PLOD1: variants seen among roughly 807,000 people sequenced by gnomAD.
The protein encoded by PLOD1 is lysine hydroxylase.
PLOD1 carries 70 observed loss-of-function variants against 94.7 expected under a neutral mutation model. The observed-to-expected ratio is 0.74, with a 90% CI of 0.61 to 0.90. The LOEUF (loss-of-function observed/expected upper bound fraction) is 0.90, where lower values mean the gene tolerates loss of function less well. PLOD1 is among the 40% of genes least tolerant of loss of function. The pLI is 0.00. For missense variants in PLOD1, 905 were observed against 972.7 expected (o/e 0.93, Z 0.93); for synonymous variants, 417 against 400.2 (o/e 1.04, Z -0.50).
intron 1 of PLOD1, among the ~76,000 whole-genome samples, chr1:11,944,977 T>G (rs1645640561): frequency 6.6e-6 from 1 of 152,190 alleles, no homozygotes; most frequent in South Asian, 2.1e-4. Context: ...GAGCTAAGAC[T>G]CACCCAGGGA....
In PLOD1 at chr1:11,972,968, G is replaced by A. The variant is rs199730384; in HGVS notation, c.1999G>A (p.Ala667Thr). The A allele has an allele frequency of 1.8e-5, 29 of 1,614,062 alleles. No homozygotes were observed. Among genetic ancestry groups the A allele is most frequent in the East Asian group, 2.2e-5 (1 of 44,890 alleles). Residue 667 changes from alanine (A) to threonine (T), a missense_variant, in exon 18 of 19, where the codon GCC (alanine) becomes ACC (threonine). Physicochemically the swap from Ala to Thr is moderately conservative, Grantham distance 58 (BLOSUM62 0). Coordinates refer to ENST00000196061, the MANE Select transcript of PLOD1 (RefSeq NM_000302.4). The surrounding 1 kb of genome is among the most constrained non-coding windows in gnomAD (Gnocchi z 4.6). ...HDASTFTINI[A>T]LNRVGVDYEG... ...TGCCTCCACCTTCACCATCAACATCGCCCTGAACCGAGTCGGGGTGGATTA... is the reference window on the plus strand; with the variant it reads ...TGCCTCCACCTTCACCATCAACATCACCCTGAACCGAGTCGGGGTGGATTA...
intron 14 of PLOD1, among the ~76,000 whole-genome samples, chr1:11,965,809 C>T (rs1031339715): frequency 1.1e-4 from 16 of 152,158 alleles, no homozygotes; most frequent in Non-Finnish European, 1.5e-5. Context: ...GACCAGGACT[C>T]AAGAGGCCTG....
In PLOD1 at chr1:11,950,480, T is replaced by A. The variant is rs1346043246; in HGVS notation, c.426T>A (p.Tyr142Ter). 2 of 1,614,116 alleles carry A rather than the reference T, an allele frequency of 1.2e-6. No individual in the cohort carries two copies. Among genetic ancestry groups the A allele is most frequent in the South Asian group, 1.1e-5 (1 of 91,084 alleles). ...CAGACCGCAGGCTGGAGACCAAGTA[T>A]CCGGTGGTGTCCGATGGCAAGAGGT... ...IYPDRRLETK[Y>*]PVVSDGKRFL... The change falls in exon 4 of 19, where the codon TAT (tyrosine) becomes TAA (stop). Residue 142 changes from tyrosine (Y) to a stop codon, truncating the protein, a stop_gained. Transcript: ENST00000196061. LOFTEE classifies it high-confidence loss of function.
At chr1:11,966,451 C>T (rs1375469949) in intron 15 of PLOD1, 135 bp downstream of exon 15, 26 of 258,530 alleles carry the variant, frequency 1.0e-4, no homozygotes, top group African/African-American at 1.8e-4. Context: ...AGTTGGGGGG[C>T]GGCAGGATGG....
intron 18 of PLOD1, among the ~76,000 whole-genome samples, chr1:11,973,704 C>G (rs186420975): frequency 4.1e-4 from 62 of 152,110 alleles, no homozygotes; most frequent in Middle Eastern, 3.4e-3. Flanking sequence ...CTCAGCCCCC[C>G]CAAGTAGTTG....
intron 6 of PLOD1, among the ~76,000 whole-genome samples, chr1:11,956,546 C>T (rs1645739018): frequency 6.6e-6 from 1 of 152,122 alleles, no homozygotes; most frequent in African/African-American, 2.4e-5. Flanking sequence ...AGAGAAGGCG[C>T]GTCCCAGACC....
chr1:11,957,655 C>G lies in PLOD1; in HGVS notation c.742-187C>G, dbSNP rs189452696. On this transcript the variant is annotated intron_variant, in intron 7 of 18. Coordinates refer to ENST00000196061, the MANE Select transcript of PLOD1 (RefSeq NM_000302.4). This position sits in a 1 kb window ranked among gnomAD's most constrained non-coding sequence, Gnocchi z 4.1. ...TCGGGAGAAGCACTAGAGTGCCAAGCCCTCCCCTGCCCTCTCTCAGAGCGG... is the reference window on the plus strand; with the variant it reads ...TCGGGAGAAGCACTAGAGTGCCAAGGCCTCCCCTGCCCTCTCTCAGAGCGG... Among the ~76,000 whole-genome samples, 19 of 152,304 alleles carry G rather than the reference C, an allele frequency of 1.2e-4. No homozygotes were observed. The East Asian group carries it at 3.7e-3, about 29-fold the overall frequency.
chr1:11,970,038 C>T (rs987166506), intron 16 of PLOD1, among the ~76,000 whole-genome samples: 3 of 149,738 alleles, frequency 2.0e-5, no homozygotes, highest in African/African-American at 5.0e-5. Flanking sequence ...GTCAGGAGTT[C>T]GAGACCAGCC....
intron 5 of PLOD1, 33 bp downstream of exon 5, chr1:11,952,768 G>A (rs751584108): frequency 1.3e-6 from 2 of 1,481,524 alleles, no homozygotes; most frequent in Non-Finnish European, 1.9e-6. Context: ...AGGAGAGGGG[G>A]CTGGGGATCC....
rs60651659 is a variant in PLOD1, at chr1:11,972,338, G to A, written c.1903-534G>A. The A allele has an allele frequency of 0.051, 7,979 of 156,584 alleles. 277 individuals are homozygous for A. Among genetic ancestry groups the A allele is most frequent in the East Asian group, 0.12 (664 of 5,386 alleles). The allele number at this position is 156,584 out of a possible 1,614,324, so 9.7% of individuals were successfully genotyped here. On this transcript the variant is annotated intron_variant, in intron 17 of 18. Transcript: ENST00000196061. This position sits in a 1 kb window ranked among gnomAD's most constrained non-coding sequence, Gnocchi z 4.6. ...GCAATCTTGGCTCACTACAATCTCC[G>A]CCTCCCAGATTCAAGCGATTCTCCG...
In PLOD1 at chr1:11,962,777, G is replaced by A. The variant is rs574807428; in HGVS notation, c.1098-755G>A. Among the ~76,000 whole-genome samples, 5 of 151,818 alleles carry A rather than the reference G, an allele frequency of 3.3e-5. No individual in the cohort carries two copies. In the East Asian group the frequency reaches 9.7e-4, roughly 29 times the overall value. On this transcript the variant is annotated intron_variant, in intron 10 of 18. Transcript: ENST00000196061. ...GAAAAAAGGCCGGGTGCAGTGGCTC[G>A]CATCTGTAATCCCAGCACTTTGGGA...
intron 4 of PLOD1, among the ~76,000 whole-genome samples, chr1:11,951,265 T>C (rs1645698780): frequency 6.6e-6 from 1 of 152,078 alleles, no homozygotes; most frequent in African/African-American, 2.4e-5. Context: ...AGAGGTGTCT[T>C]TAAACGATGC....
intron 1 of PLOD1, among the ~76,000 whole-genome samples, chr1:11,935,255 T>G (rs1645570099): frequency 6.6e-6 from 1 of 152,182 alleles, no homozygotes; most frequent in African/African-American, 2.4e-5. Flanking sequence ...TTCATTCACT[T>G]GCCCAAGATC....
chr1:11,958,725 T>G lies in PLOD1; in HGVS notation c.975+78T>G. The G allele has an allele frequency of 1.3e-6, 2 of 1,542,602 alleles. No individual in the cohort carries two copies. Among genetic ancestry groups the G allele is most frequent in the South Asian group, 1.1e-5 (1 of 89,048 alleles). Reference sequence around the variant, plus strand: ...GCTTCACAAGGTAGCCCGAGACCTCTGAGGGTCTCACCGAATCTAGCTTAT... The same window carrying G: ...GCTTCACAAGGTAGCCCGAGACCTCGGAGGGTCTCACCGAATCTAGCTTAT... On this transcript the variant is annotated intron_variant, in intron 9 of 18. Coordinates refer to ENST00000196061, the MANE Select transcript of PLOD1 (RefSeq NM_000302.4). This position sits in a 1 kb window ranked among gnomAD's most constrained non-coding sequence, Gnocchi z 4.3.
intron 1 of PLOD1, among the ~76,000 whole-genome samples, chr1:11,938,596 G>A (rs1557480576): frequency 6.6e-6 from 1 of 152,122 alleles, no homozygotes; most frequent in Non-Finnish European, 1.5e-5. Context: ...TACCCCAGCA[G>A]CCCCCAAAGA....
At chr1:11,939,214 T>C (rs1304498348) in intron 1 of PLOD1, among the ~76,000 whole-genome samples, 1 of 151,484 alleles carries the variant, frequency 6.6e-6, no homozygotes, top group Non-Finnish European at 1.5e-5. Context: ...CACTGGATGG[T>C]GTGGGGGTGG....
rs373261129 is a variant in PLOD1 at position 11,953,275 on chromosome 1, C to T, written c.579+540C>T. On this transcript the variant is annotated intron_variant, in intron 5 of 18. Transcript: ENST00000196061. Reference sequence around the variant, plus strand: ...TTCACTACGTTCGCCAGGCTGGTCTCGAACTCCTGTCCTCAGGTGATTTAC... The same window carrying T: ...TTCACTACGTTCGCCAGGCTGGTCTTGAACTCCTGTCCTCAGGTGATTTAC... Among the ~76,000 whole-genome samples, 9 of 151,696 alleles carry T rather than the reference C, an allele frequency of 5.9e-5. No homozygotes were observed. In the East Asian group the frequency reaches 6.0e-4, roughly 10 times the overall value.
intron 1 of PLOD1, among the ~76,000 whole-genome samples, chr1:11,942,612 T>A (rs1645622424): frequency 6.6e-6 from 1 of 152,120 alleles, no homozygotes; most frequent in Non-Finnish European, 1.5e-5. Context: ...TCCTTGGGGA[T>A]GTTAGGAGGT....
At position 11,963,672 on chromosome 1, in the gene PLOD1, G is replaced by A. The variant is rs745889627; in HGVS notation, c.1202+36G>A. The A allele has an allele frequency of 7.2e-7, 1 of 1,393,098 alleles. No homozygotes were observed. Among genetic ancestry groups the A allele is most frequent in the Non-Finnish European group, 1.0e-6 (1 of 997,554 alleles). 86.3% of individuals were successfully genotyped at this position (1,393,098 alleles called of 1,614,324 possible). On this transcript the variant is annotated intron_variant, in intron 11 of 18. Transcript: ENST00000196061. This position sits in a 1 kb window ranked among gnomAD's most constrained non-coding sequence, Gnocchi z 4.3. ...TCCGTCTGCACCCAGCACTGCTCAG[G>A]ACTGGCCTGGTCCTGGGGTGGCAGC...
Sources: allele counts gnomAD v4.1 joint callset (sites outside exome capture counted in the v4.1 genomes callset), GRCh38; gene constraint gnomAD v4.1.1; non-coding constraint Gnocchi (gnomAD v3.1); transcripts MANE v1.5; gene names NCBI Gene and HGNC (gene_info 2026-07-23, HGNC 2026-07-21).